Variants in GFM1 observed in about 807,000 individuals in gnomAD.
GFM1 encodes elongation factor G, mitochondrial.
Under a neutral mutation model 96.2 loss-of-function variants are expected in GFM1, and 62 were observed. The observed-to-expected ratio is 0.64, with a 90% CI of 0.53 to 0.80. The LOEUF (loss-of-function observed/expected upper bound fraction) is 0.80. Among genes scored for constraint, GFM1 ranks in the 30% least tolerant of loss-of-function variants. The pLI is 0.00. For synonymous variants in GFM1, 282 were observed against 312.9 expected, an observed-to-expected ratio of 0.90 and a Z score of 1.04; for missense variants, 852 against 916.6, an observed-to-expected ratio of 0.93 and a Z score of 0.91.
intron 6 of GFM1, among the ~76,000 whole-genome samples, chr3:158,652,974 C>T (rs1459927535): frequency 2.0e-5 from 3 of 152,118 alleles, no homozygotes; most frequent in Non-Finnish European, 4.4e-5. Context: ...CTATTTTGTA[C>T]AATTGTAGCG....
rs1452897811 is a variant in GFM1 at position 158,692,815 on chromosome 3, C to T, written c.*1348C>T. Among the ~76,000 whole-genome samples the T allele has an allele frequency of 6.6e-6, 1 of 151,966 alleles. No individual in the cohort carries two copies. Among genetic ancestry groups the T allele is most frequent in the Admixed American group, 6.6e-5 (1 of 15,248 alleles). The stretch of plus-strand genomic sequence containing the variant: ...CAAGCAATTATCCCATCTCAGCTGC[C>T]TAAGTAGGTGGGACTACAGGTGTGC... On this transcript the variant is annotated 3_prime_UTR_variant, in exon 18 of 18. Coordinates refer to ENST00000486715, the MANE Select transcript of GFM1 (RefSeq NM_024996.7).
intron 13 of GFM1, among the ~76,000 whole-genome samples, chr3:158,680,769 A>G (rs1430625580): frequency 2.0e-5 from 3 of 152,212 alleles, no homozygotes; most frequent in East Asian, 1.9e-4. Context: ...AGCCTGGCAC[A>G]TAAGTATTCT....
chr3:158,666,982 G>T, intron 13 of GFM1: 1 of 1,581,538 alleles, frequency 6.3e-7, no homozygotes, highest in South Asian at 1.2e-5. Flanking sequence ...TTTTCAGAAT[G>T]GCATCAAATA....
Position 158,660,930 on chromosome 3 carries a change from T to C in GFM1, c.1278T>C (p.Ala426=). 1.9e-6 allele frequency: 3 copies of C among 1,614,120 alleles called. No individual in the cohort carries two copies. Among genetic ancestry groups the C allele is most frequent in the South Asian group, 1.1e-5 (1 of 91,092 alleles). Residue 426 remains alanine (A), a synonymous_variant, in exon 10 of 18, where the codon GCT becomes GCC. Coordinates refer to ENST00000486715, the MANE Select transcript of GFM1 (RefSeq NM_024996.7). The part of the protein sequence containing the change: ...DICALFGIDC[A]SGDTFTDKAN... ...GTGCATTGTTTGGCATTGACTGTGCTAGTGGAGACACATTCACAGACAAAG... is the reference window on the plus strand; with the variant it reads ...GTGCATTGTTTGGCATTGACTGTGCCAGTGGAGACACATTCACAGACAAAG...
chr3:158,668,236 A>G (rs1303724346), intron 13 of GFM1, among the ~76,000 whole-genome samples: 2 of 152,206 alleles, frequency 1.3e-5, no homozygotes, highest in East Asian at 3.8e-4. Flanking sequence ...ACCTATGCAT[A>G]CCTTCTCATA....
rs1404271883 is a variant in GFM1 at position 158,653,355 on chromosome 3, T to C, written c.886T>C (p.Phe296Leu). Residue 296 changes from phenylalanine (F) to leucine (L), a missense_variant, in exon 7 of 18, where the codon TTT (phenylalanine) becomes CTT (leucine). Transcript: ENST00000486715. Reference sequence around the variant, plus strand: ...TCTGAAAAGATCATTTACTCCTGTATTTTTGGGAAGCGCCTTGAAGAACAA... The same window carrying C: ...TCTGAAAAGATCATTTACTCCTGTACTTTTGGGAAGCGCCTTGAAGAACAA... ...ATLKRSFTPV[F>L]LGSALKNKGV... 2 of 1,613,454 alleles carry C rather than the reference T, an allele frequency of 1.2e-6. No individual in the cohort carries two copies. Among genetic ancestry groups the C allele is most frequent in the African/African-American group, 2.7e-5 (2 of 74,912 alleles).
chr3:158,672,386 C>T (rs1174937066), intron 13 of GFM1: 2 of 1,614,104 alleles, frequency 1.2e-6, no homozygotes, highest in African/African-American at 1.3e-5. Context: ...GCACCTCAAA[C>T]ACCCTGTGCG....
chr3:158,650,077 T>G, intron 5 of GFM1: 1 of 1,528,602 alleles, frequency 6.5e-7, no homozygotes, highest in Non-Finnish European at 8.8e-7. Context: ...CGAATGGCAT[T>G]GTGATCAGTG....
intron 5 of GFM1, chr3:158,650,344 G>A (rs1445438217): frequency 3.0e-6 from 1 of 334,798 alleles, no homozygotes; most frequent in Admixed American, 4.0e-5. Flanking sequence ...GTACATAATA[G>A]GGACTCAAAA....
chr3:158,670,841 G>A, intron 13 of GFM1: 1 of 1,272,880 alleles, frequency 7.9e-7, no homozygotes. Context: ...GGCTGAGGTG[G>A]GAAGATGGCC....
intron 2 of GFM1, 84 bp downstream of exon 2, chr3:158,645,865 T>C: frequency 7.8e-7 from 1 of 1,276,132 alleles, no homozygotes; most frequent in South Asian, 1.2e-5. Context: ...CTTATAAACC[T>C]GAAAGATTAA....
At chr3:158,678,266 T>C (rs988913022) in intron 13 of GFM1, among the ~76,000 whole-genome samples, 2 of 152,232 alleles carry the variant, frequency 1.3e-5, no homozygotes, top group African/African-American at 4.8e-5. Context: ...CAAAGAGTAA[T>C]TTTGACTTTC....
chr3:158,648,282 A>T (rs1444730299), intron 4 of GFM1, among the ~76,000 whole-genome samples: 1 of 152,080 alleles, frequency 6.6e-6, no homozygotes, highest in Non-Finnish European at 1.5e-5. Context: ...TAGATCTTTA[A>T]CCATAGTTAT....
chr3:158,681,290 G>A (rs564872596), intron 13 of GFM1, among the ~76,000 whole-genome samples: 37 of 152,300 alleles, frequency 2.4e-4, no homozygotes, highest in Non-Finnish European at 2.2e-4. Flanking sequence ...CTTGCAAACA[G>A]TAGATACTCA....
chr3:158,650,499 C>G (rs1722201128), intron 5 of GFM1: 1 of 169,202 alleles, frequency 5.9e-6, no homozygotes, highest in Admixed American at 5.6e-5. Flanking sequence ...TTCCCCAGCC[C>G]TAGTTTACTG....
intron 13 of GFM1, chr3:158,672,578 G>A (rs1576769433): frequency 1.3e-6 from 2 of 1,486,668 alleles, no homozygotes. Flanking sequence ...CGGTTGCCGA[G>A]GCGGAAAAGT....
At chr3:158,686,174 T>C (rs900790606) in intron 15 of GFM1, among the ~76,000 whole-genome samples, 1 of 148,436 alleles carries the variant, frequency 6.7e-6, no homozygotes, top group African/African-American at 2.4e-5. Context: ...ATTATATGTG[T>C]ATATATATTT....
chr3:158,658,840 G>A (rs1484973274), intron 8 of GFM1, 82 bp from the exon 9 acceptor site: 3 of 1,444,432 alleles, frequency 2.1e-6, no homozygotes, highest in Non-Finnish European at 2.9e-6. Context: ...AATACTTGGA[G>A]GGAGTTATGA....
At chr3:158,651,289 C>G (rs1353402568) in intron 5 of GFM1, among the ~76,000 whole-genome samples, 2 of 151,974 alleles carry the variant, frequency 1.3e-5, no homozygotes, top group Non-Finnish European at 2.9e-5. Flanking sequence ...GTAAGGTCTT[C>G]CTAGTACTGC....
Sources: allele counts gnomAD v4.1 joint callset (sites outside exome capture counted in the v4.1 genomes callset), GRCh38; gene constraint gnomAD v4.1.1; transcripts MANE v1.5; gene names NCBI Gene and HGNC (gene_info 2026-07-23, HGNC 2026-07-21).